PIK3R1: variants seen among roughly 807,000 people sequenced by gnomAD.
The protein encoded by PIK3R1 is phosphatidylinositol 3-kinase regulatory subunit alpha.
A neutral mutation model predicts 98.0 loss-of-function variants in PIK3R1; 29 were observed. The ratio of observed to expected loss-of-function variants is 0.30; its 90% CI spans 0.22 to 0.40. The LOEUF is 0.40. PIK3R1 is among the 10% of genes least tolerant of loss of function. PIK3R1 has a pLI of 1.00. For synonymous variants in PIK3R1, 282 were observed against 311.8 expected (o/e 0.90, Z 1.01); for missense variants, 596 against 872.7 (o/e 0.68, Z 3.99).
At chr5:68,230,664 A>C (rs766251798) in intron 2 of PIK3R1, among the ~76,000 whole-genome samples, 8 of 152,176 alleles carry the variant, frequency 5.3e-5, no homozygotes, top group Non-Finnish European at 8.8e-5. Context: ...CATTAAGCTG[A>C]TAGTACCTTC....
chr5:68,241,108 A>G (rs1438468141), intron 2 of PIK3R1, among the ~76,000 whole-genome samples: 4 of 152,234 alleles, frequency 2.6e-5, no homozygotes, highest in Admixed American at 2.0e-4. Flanking sequence ...CATTTAATGT[A>G]TAATTTCCTA....
At chr5:68,291,990 T>C (rs993228326) in intron 7 of PIK3R1, 6 of 285,590 alleles carry the variant, frequency 2.1e-5, no homozygotes, top group African/African-American at 1.3e-4. Context: ...GGATTTACTT[T>C]GAAATTTATT....
At chr5:68,234,285 G>C (rs1744586099) in intron 2 of PIK3R1, among the ~76,000 whole-genome samples, 1 of 152,136 alleles carries the variant, frequency 6.6e-6, no homozygotes. Flanking sequence ...GGAGAAATAA[G>C]ACCCAGAAAA....
intron 1 of PIK3R1, chr5:68,217,851 T>C (rs1743960413): frequency 6.6e-6 from 1 of 152,214 alleles, no homozygotes; most frequent in Non-Finnish European, 1.5e-5. Context: ...TAGATTTTTA[T>C]GATTGGGAGA....
In PIK3R1 at chr5:68,273,406, T is replaced by C. The variant is rs2112164402; in HGVS notation, c.351T>C (p.Asp117=). ...TGTTTGCAGCTTTGACTCTCCCGGATCTTGCAGAGCAGTTTGCCCCTCCTG... is the reference window on the plus strand; with the variant it reads ...TGTTTGCAGCTTTGACTCTCCCGGACCTTGCAGAGCAGTTTGCCCCTCCTG... ...DVEQQALTLP[D]LAEQFAPPDI... Residue 117 remains aspartate, a synonymous_variant, in exon 3 of 16, where the codon GAT becomes GAC. Transcript: ENST00000521381. The C allele has an allele frequency of 3.7e-6, 6 of 1,614,134 alleles. No individual in the cohort carries two copies. Among genetic ancestry groups the C allele is most frequent in the South Asian group, 2.2e-5 (2 of 91,088 alleles).
At chr5:68,217,233 A>G (rs1743920269) in intron 1 of PIK3R1, among the ~76,000 whole-genome samples, 1 of 152,134 alleles carries the variant, frequency 6.6e-6, no homozygotes, top group Non-Finnish European at 1.5e-5. Context: ...ATATTCACAG[A>G]GCTTATTGGT....
chr5:68,237,938 C>T (rs934724523), intron 2 of PIK3R1, among the ~76,000 whole-genome samples: 9 of 152,248 alleles, frequency 5.9e-5, no homozygotes, highest in African/African-American at 1.9e-4. Context: ...TTGTCCTCTC[C>T]GACAGAGCCT....
Position 68,293,699 on chromosome 5 carries a change from A to T in PIK3R1, c.1300-10A>T, listed in dbSNP as rs377666209. 7.1e-7 allele frequency: 1 copy of T among 1,416,536 alleles called. No homozygotes were observed. The highest frequency in any genetic ancestry group is 9.8e-7 in the Non-Finnish European group (1 of 1,025,374). The allele number at this position is 1,416,536 out of a possible 1,614,324, so 87.7% of individuals were successfully genotyped here. A position where few individuals can be genotyped will look rare whatever the true frequency, so the allele number is the denominator to read the frequency against. ...TACCTTATCCATTGAATTTATTTTA[A>T]TCTTTCTAGGATCAAGTTGTCAAAG... On this transcript the variant is annotated splice_polypyrimidine_tract_variant and intron_variant, in intron 10 of 15. Transcript: ENST00000521381.
rs530134437 is a variant in PIK3R1, at chr5:68,254,734, G to A, written c.335-18656G>A. Among the ~76,000 whole-genome samples the A allele has an allele frequency of 4.6e-5, 7 of 152,210 alleles. No individual in the cohort carries two copies. The South Asian group carries it at 1.2e-3, about 27-fold the overall frequency. ...TTTAAGGGAAGACACTCTTGGAAAT[G>A]CTTAGTTATGGTTCATACCCATAAT... On this transcript the variant is annotated intron_variant, in intron 2 of 15. Transcript: ENST00000521381.
chr5:68,294,928 T>C (rs1747616401), intron 12 of PIK3R1, among the ~76,000 whole-genome samples: 1 of 149,732 alleles, frequency 6.7e-6, no homozygotes, highest in African/African-American at 2.5e-5. Context: ...ACCTGCACAA[T>C]GTGCACATGT....
intron 2 of PIK3R1, among the ~76,000 whole-genome samples, chr5:68,245,528 C>T (rs1390823636): frequency 2.6e-5 from 4 of 152,146 alleles, no homozygotes; most frequent in Admixed American, 6.5e-5. Context: ...CTTGGCTAAC[C>T]GTTAGTCCTA....
chr5:68,245,185 A>G (rs1036448176), intron 2 of PIK3R1, among the ~76,000 whole-genome samples: 2 of 152,262 alleles, frequency 1.3e-5, no homozygotes, highest in Non-Finnish European at 1.5e-5. Flanking sequence ...GTTGGAGGAA[A>G]AACTTGAACT....
At chr5:68,267,311 G>A (rs1481237361) in intron 2 of PIK3R1, among the ~76,000 whole-genome samples, 4 of 152,172 alleles carry the variant, frequency 2.6e-5, no homozygotes, top group African/African-American at 9.7e-5. Flanking sequence ...TGTTAGGTCT[G>A]CTTAGGTTTA....
chr5:68,280,526 A>G lies in PIK3R1; in HGVS notation c.635-2A>G. The G allele has an allele frequency of 6.4e-7, 1 of 1,553,146 alleles. No individual in the cohort carries two copies. The highest frequency in any genetic ancestry group is 2.2e-5 in the East Asian group (1 of 44,516). ...TCTTTTTTTTTTTTTTTAAACTTGT[A>G]GAAGTACAAAGCTCCGAAGAATATA... is the stretch of plus-strand genomic sequence containing the variant. On this transcript the variant is annotated splice_acceptor_variant, in intron 5 of 15. Coordinates refer to ENST00000521381, the MANE Select transcript of PIK3R1 (RefSeq NM_181523.3). LOFTEE classifies it high-confidence loss of function.
chr5:68,295,141 C>T lies in PIK3R1; in HGVS notation c.1569-7C>T, dbSNP rs1391755791. 7.5e-6 allele frequency: 12 copies of T among 1,610,366 alleles called. No individual in the cohort carries two copies. The highest frequency in any genetic ancestry group is 1.0e-5 in the Non-Finnish European group (12 of 1,177,654). Reference sequence around the variant, plus strand: ...GATAATAACAAATACGTTTCTTTTGCCTGCAGGATTATGCATAATTATGAT... The same window carrying T: ...GATAATAACAAATACGTTTCTTTTGTCTGCAGGATTATGCATAATTATGAT... On this transcript the variant is annotated splice_region_variant and splice_polypyrimidine_tract_variant and intron_variant, in intron 12 of 15. Coordinates refer to ENST00000521381, the MANE Select transcript of PIK3R1 (RefSeq NM_181523.3).
chr5:68,238,529 CA>C (rs1271936505), intron 2 of PIK3R1, among the ~76,000 whole-genome samples: 1 of 151,832 alleles, frequency 6.6e-6, no homozygotes, highest in Non-Finnish European at 1.5e-5. Flanking sequence ...GATGAAAAGA[CA>C]GTAAGATGGG....
chr5:68,291,315 A>G (rs1747372634), intron 7 of PIK3R1: 1 of 152,268 alleles, frequency 6.6e-6, no homozygotes, highest in African/African-American at 2.4e-5. Context: ...TCATATTAAG[A>G]TATTATAATG....
intron 2 of PIK3R1, among the ~76,000 whole-genome samples, chr5:68,246,646 C>T (rs542258730): frequency 1.7e-3 from 256 of 152,076 alleles, no homozygotes; most frequent in Non-Finnish European, 3.0e-3. Context: ...TTTTTTGAGA[C>T]GGAGTCTCGC....
chr5:68,243,438 G>A (rs908504060), intron 2 of PIK3R1, among the ~76,000 whole-genome samples: 5 of 152,126 alleles, frequency 3.3e-5, no homozygotes, highest in African/African-American at 1.2e-4. Flanking sequence ...TTCAGCCCTG[G>A]GAAGAACCAT....
Sources: allele counts gnomAD v4.1 joint callset (sites outside exome capture counted in the v4.1 genomes callset), GRCh38; gene constraint gnomAD v4.1.1; transcripts MANE v1.5; gene names NCBI Gene and HGNC (gene_info 2026-07-23, HGNC 2026-07-21).